Variants in EYA1 observed in about 807,000 individuals in gnomAD.
The protein encoded by EYA1 is protein phosphatase EYA1.
A neutral mutation model predicts 82.0 loss-of-function variants in EYA1; 16 were observed. The observed-to-expected ratio is 0.20, with a 90% confidence interval of 0.13 to 0.30. EYA1 has a LOEUF of 0.30. Among genes scored for constraint, EYA1 ranks in the 10% least tolerant of loss-of-function variants. The pLI, the probability that EYA1 is intolerant of heterozygous loss-of-function variation, is 1.00. For missense variants in EYA1, 633 were observed against 730.7 expected (o/e 0.87, Z 1.54); for synonymous variants, 261 against 264.4 (o/e 0.99, Z 0.12).
At chr8:71,485,149 A>G (rs1256463323) in intron 2 of EYA1, among the ~76,000 whole-genome samples, 1 of 152,252 alleles carries the variant, frequency 6.6e-6, no homozygotes, top group Non-Finnish European at 1.5e-5. Context: ...TGTGAATAAA[A>G]GTAGATAGGA....
intron 9 of EYA1, among the ~76,000 whole-genome samples, chr8:71,272,714 C>T (rs113447783): frequency 0.031 from 4,772 of 152,292 alleles, 246 homozygotes; most frequent in African/African-American, 0.11. Flanking sequence ...CATTTACTCA[C>T]ACCAATTTTG....
chr8:71,268,930 C>G (rs1816187681), intron 11 of EYA1, among the ~76,000 whole-genome samples: 3 of 152,098 alleles, frequency 2.0e-5, no homozygotes, highest in Non-Finnish European at 4.4e-5. Context: ...AATTCAGTCT[C>G]TAATGCTCCA....
chr8:71,529,568 C>T, intron 2 of EYA1: 1 of 152,104 alleles, frequency 6.6e-6, no homozygotes, highest in Non-Finnish European at 1.5e-5. Flanking sequence ...GAAGGTCCAT[C>T]CCAATAGCCA....
intron 2 of EYA1, among the ~76,000 whole-genome samples, chr8:71,388,429 C>G (rs1335702319): frequency 2.0e-5 from 3 of 152,130 alleles, no homozygotes; most frequent in Admixed American, 2.0e-4. Context: ...TGCTCCTAAA[C>G]AGTGAGGGTG....
intron 2 of EYA1, among the ~76,000 whole-genome samples, chr8:71,509,706 T>A (rs2129249524): frequency 6.6e-6 from 1 of 152,310 alleles, no homozygotes; most frequent in African/African-American, 2.4e-5. Flanking sequence ...TCAGTAAGGA[T>A]GTGTCTACAA....
intron 7 of EYA1, among the ~76,000 whole-genome samples, chr8:71,313,863 T>C (rs921012326): frequency 4.6e-5 from 7 of 152,348 alleles, no homozygotes; most frequent in Non-Finnish European, 7.3e-5. Flanking sequence ...AGAGGATGCA[T>C]ACATGTCACA....
intron 2 of EYA1, among the ~76,000 whole-genome samples, chr8:71,479,842 C>A (rs753637800): frequency 4.6e-5 from 7 of 152,146 alleles, no homozygotes. Flanking sequence ...CCATTAATAC[C>A]TGTCAGTGAG....
At chr8:71,513,141 A>G (rs574610152) in intron 2 of EYA1, among the ~76,000 whole-genome samples, 3 of 152,306 alleles carry the variant, frequency 2.0e-5, no homozygotes, top group African/African-American at 7.2e-5. Context: ...CACAAAATCA[A>G]TGAGCATATA....
intron 4 of EYA1, chr8:71,322,588 G>T (rs972787360): frequency 5.7e-6 from 2 of 349,612 alleles, no homozygotes. Flanking sequence ...AGGAGTCCTG[G>T]CTACTGTTTG....
intron 11 of EYA1, among the ~76,000 whole-genome samples, chr8:71,245,716 T>C (rs769613022): frequency 2.0e-5 from 3 of 152,142 alleles, no homozygotes; most frequent in Non-Finnish European, 2.9e-5. Context: ...TCTCTATCAT[T>C]ATTTGCATTC....
chr8:71,365,888 C>T (rs572840826), upstream of EYA1, among the ~76,000 whole-genome samples: 5 of 152,230 alleles, frequency 3.3e-5, no homozygotes, highest in South Asian at 8.3e-4. Flanking sequence ...TGAATGTCTA[C>T]CAATATTTTG....
chr8:71,354,925 C>T lies in EYA1; in HGVS notation c.-4-16G>A. On this transcript the variant is annotated splice_polypyrimidine_tract_variant and intron_variant, in intron 2 of 17. Transcript: ENST00000340726. ...TTCCATAGACCTAAAGACAAGAAGC[C>T]TTCCATTTGACAGATGTACCAAATT... 6.2e-7 allele frequency: 1 copy of T among 1,611,956 alleles called. No homozygotes were observed. The highest frequency in any genetic ancestry group is 1.7e-5 in the Admixed American group (1 of 59,928).
chr8:71,533,772 C>A (rs1018520236), intron 2 of EYA1, among the ~76,000 whole-genome samples: 8 of 152,202 alleles, frequency 5.3e-5, no homozygotes, highest in Non-Finnish European at 1.2e-4. Flanking sequence ...CCTGGCTGAG[C>A]AGTCAGCTGC....
chr8:71,298,564 C>T (rs898898164), intron 9 of EYA1, among the ~76,000 whole-genome samples: 1 of 152,150 alleles, frequency 6.6e-6, no homozygotes, highest in Non-Finnish European at 1.5e-5. Context: ...AAACTCATGA[C>T]ACATTGTCAT....
At chr8:71,296,388 G>A (rs1314438621) in intron 9 of EYA1, among the ~76,000 whole-genome samples, 1 of 150,748 alleles carries the variant, frequency 6.6e-6, no homozygotes, top group African/African-American at 2.5e-5. Flanking sequence ...TGTTTGCCCT[G>A]AAAAACCCTT....
intron 2 of EYA1, among the ~76,000 whole-genome samples, chr8:71,414,289 C>A (rs1253157970): frequency 6.6e-6 from 1 of 152,172 alleles, no homozygotes; most frequent in African/African-American, 2.4e-5. Context: ...GCTCTCCAAG[C>A]AGCTGGAGGA....
At chr8:71,293,522 A>G (rs764030611) in intron 9 of EYA1, among the ~76,000 whole-genome samples, 11 of 152,204 alleles carry the variant, frequency 7.2e-5, no homozygotes, top group Non-Finnish European at 1.5e-4. Flanking sequence ...TCTCATGAAC[A>G]TAAATGCAAA....
At chr8:71,421,206 C>A (rs1013272367) in intron 2 of EYA1, among the ~76,000 whole-genome samples, 3 of 152,118 alleles carry the variant, frequency 2.0e-5, no homozygotes, top group African/African-American at 7.2e-5. Flanking sequence ...ACTTCAATTC[C>A]AGGGGTGATC....
intron 9 of EYA1, among the ~76,000 whole-genome samples, chr8:71,273,151 CT>C (rs945550850): frequency 4.6e-5 from 7 of 152,152 alleles, no homozygotes; most frequent in Admixed American, 4.6e-4. Context: ...CTTATTTAAC[CT>C]TAAAACCTAA....
Sources: gnomAD v4.1 joint callset for allele counts (sites outside exome capture counted in the v4.1 genomes callset) on GRCh38, gnomAD v4.1.1 for gene constraint, MANE v1.5 for transcripts, NCBI Gene and HGNC (gene_info 2026-07-23, HGNC 2026-07-21) for gene names.